DENND2C: variants seen among roughly 807,000 people sequenced by gnomAD.
DENND2C encodes DENN domain containing 2C.
DENND2C carries 72 observed loss-of-function variants against 112.4 expected under a neutral mutation model. The ratio of observed to expected loss-of-function variants is 0.64; its 90% CI spans 0.53 to 0.78. DENND2C has a LOEUF of 0.78. Ranked by LOEUF, DENND2C falls within the 30% of genes least tolerant of loss-of-function variation. The pLI is 0.00. For missense variants in DENND2C, 992 were observed against 1,113.8 expected (o/e 0.89, Z 1.56); for synonymous variants, 329 against 381.6 (o/e 0.86, Z 1.61).
At chr1:114,631,714 G>A (rs533588281) in intron 3 of DENND2C, among the ~76,000 whole-genome samples, 3 of 152,186 alleles carry the variant, frequency 2.0e-5, no homozygotes, top group Admixed American at 1.3e-4. Flanking sequence ...CATGGGAGGC[G>A]GAGCTTGCAG....
At chr1:114,600,678 C>T in intron 14 of DENND2C, 142 bp downstream of exon 14, 1 of 1,162,126 alleles carries the variant, frequency 8.6e-7, no homozygotes, top group Non-Finnish European at 1.2e-6. Context: ...CTGGATATTT[C>T]TCCAGTGCTT....
intron 18 of DENND2C, among the ~76,000 whole-genome samples, chr1:114,592,297 T>C (rs548806473): frequency 2.3e-4 from 35 of 152,322 alleles, no homozygotes; most frequent in Admixed American, 4.6e-4. Context: ...TATTGCTCTA[T>C]TTCTGCACCA....
chr1:114,625,285 C>T lies in DENND2C; in HGVS notation c.700G>A (p.Asp234Asn). 1.2e-6 allele frequency: 2 copies of T among 1,614,078 alleles called. No individual in the cohort carries two copies. Among genetic ancestry groups the T allele is most frequent in the African/African-American group, 2.7e-5 (2 of 75,030 alleles). Reference protein sequence around the residue: ...GVTPYKERNCDKKYCENNSCA... With the variant: ...GVTPYKERNCNKKYCENNSCA... ...GAGTTATTTTCACAGTATTTTTTGT[C>T]ACAGTTTCTTTCTTTATACGGCGTA... The change falls in exon 4 of 21, where the codon GAC becomes AAC. Residue 234 changes from aspartate to asparagine, a missense_variant. Transcript: ENST00000393274.
At chr1:114,667,924 A>G (rs1190864294) in intron 1 of DENND2C, among the ~76,000 whole-genome samples, 2 of 152,216 alleles carry the variant, frequency 1.3e-5, no homozygotes, top group Non-Finnish European at 2.9e-5. Context: ...AAGCTAATAC[A>G]TGTAAAGAAT....
At chr1:114,665,805 A>G (rs1366740303) in intron 1 of DENND2C, among the ~76,000 whole-genome samples, 5 of 152,184 alleles carry the variant, frequency 3.3e-5, no homozygotes, top group Non-Finnish European at 2.9e-5. Flanking sequence ...TTCTACTTAC[A>G]TAAAGCAAAT....
At chr1:114,627,119 A>C (rs1656365157) in intron 3 of DENND2C, among the ~76,000 whole-genome samples, 1 of 152,166 alleles carries the variant, frequency 6.6e-6, no homozygotes, top group Non-Finnish European at 1.5e-5. Context: ...TGGACTTCCC[A>C]CATCTATGCT....
intron 1 of DENND2C, among the ~76,000 whole-genome samples, chr1:114,657,777 C>A (rs1657375366): frequency 1.3e-5 from 2 of 152,178 alleles, no homozygotes; most frequent in African/African-American, 4.8e-5. Context: ...TGGAGCTGGA[C>A]AGGAACGTGA....
chr1:114,629,958 T>G (rs1179832034), intron 3 of DENND2C, among the ~76,000 whole-genome samples: 1 of 152,176 alleles, frequency 6.6e-6, no homozygotes, highest in African/African-American at 2.4e-5. Flanking sequence ...TGGAACATTC[T>G]AAAACCTGAT....
Position 114,656,404 on chromosome 1 carries a change from T to TC in DENND2C, c.-573-1644_-573-1643insG, listed in dbSNP as rs534040568. Among the ~76,000 whole-genome samples the TC allele has an allele frequency of 1.2e-3, 183 of 149,300 alleles. 1 individual carries two copies. Among genetic ancestry groups the TC allele is most frequent in the South Asian group, 3.6e-3 (17 of 4,714 alleles). On this transcript the variant is annotated intron_variant, in intron 1 of 20. Coordinates refer to ENST00000393274, the MANE Select transcript of DENND2C (RefSeq NM_001256404.2). ...TAAACATTCTTTTTCTTTCTTTCTTTTTTTTTTTTTTGAGACAGAGTCTTG... is the reference window on the plus strand; with the variant it reads ...TAAACATTCTTTTTCTTTCTTTCTTTCTTTTTTTTTTTGAGACAGAGTCTTG...
At chr1:114,632,766 T>C (rs577760583) in intron 3 of DENND2C, among the ~76,000 whole-genome samples, 81 of 152,308 alleles carry the variant, frequency 5.3e-4, no homozygotes, top group African/African-American at 1.8e-3. Flanking sequence ...AACATTGTTT[T>C]AAGTAAACAA....
chr1:114,640,241 C>G (rs1199605713), intron 3 of DENND2C, among the ~76,000 whole-genome samples: 3 of 152,190 alleles, frequency 2.0e-5, no homozygotes. Context: ...ATGTGCTTGT[C>G]CCAGGTGTAA....
chr1:114,627,582 C>CAAAAAAAAAAA (rs5777200), intron 3 of DENND2C, among the ~76,000 whole-genome samples: 1 of 144,112 alleles, frequency 6.9e-6, no homozygotes. Flanking sequence ...TAGTCTGACG[C>CAAAAAAAAAAA]AAAAAAAAAA....
chr1:114,623,356 A>G, intron 5 of DENND2C, 151 bp downstream of exon 5: 1 of 744,268 alleles, frequency 1.3e-6, no homozygotes, highest in Non-Finnish European at 2.1e-6. Flanking sequence ...TCATTAGAGA[A>G]TAAAATAATT....
chr1:114,633,523 T>TA (rs1483947763), intron 3 of DENND2C, among the ~76,000 whole-genome samples: 1 of 150,870 alleles, frequency 6.6e-6, no homozygotes, highest in Admixed American at 6.6e-5. Context: ...AATCACTTTA[T>TA]ATATGATATG....
intron 1 of DENND2C, among the ~76,000 whole-genome samples, chr1:114,661,701 A>T (rs961656135): frequency 6.6e-6 from 1 of 152,170 alleles, no homozygotes; most frequent in Non-Finnish European, 1.5e-5. Context: ...TTCTCAGGTG[A>T]CCATTTCCCT....
In DENND2C at chr1:114,622,012, T is replaced by G. The variant is rs2101663926; in HGVS notation, c.1110A>C (p.Ser370=). 6.4e-7 allele frequency: 1 copy of G among 1,550,632 alleles called. No individual in the cohort carries two copies. The highest frequency in any genetic ancestry group is 1.2e-5 in the South Asian group (1 of 83,966). The part of the protein sequence containing the change: ...LHRKTMEVKN[S]QAYLRSKLTK... ...TAAGCTTTGACCGCAAATAAGCCTGTGAGTTCTTTACTTCCATAGTCTTCC... is the reference window on the plus strand; with the variant it reads ...TAAGCTTTGACCGCAAATAAGCCTGGGAGTTCTTTACTTCCATAGTCTTCC... Residue 370 remains serine, a synonymous_variant, in exon 7 of 21, where the codon TCA becomes TCC. Coordinates refer to ENST00000393274, the MANE Select transcript of DENND2C (RefSeq NM_001256404.2).
intron 3 of DENND2C, among the ~76,000 whole-genome samples, chr1:114,632,425 T>C (rs566071876): frequency 3.6e-4 from 55 of 151,882 alleles, no homozygotes; most frequent in African/African-American, 1.3e-3. Context: ...AAAATATATA[T>C]ACAGGGGAAA....
At chr1:114,654,410 C>CGACAGCCTGGGA (rs1236513840) in intron 2 of DENND2C, 95 bp downstream of exon 2, 1 of 151,746 alleles carries the variant, frequency 6.6e-6, no homozygotes, top group East Asian at 1.9e-4. Context: ...CCAGCCTGGG[C>CGACAGCCTGGGA]GACAGCCTGG....
At chr1:114,585,664 A>T (rs1456437599) in intron 20 of DENND2C, 33 bp from the exon 21 acceptor site, 1 of 1,603,006 alleles carries the variant, frequency 6.2e-7, no homozygotes, top group Admixed American at 1.7e-5. Flanking sequence ...TGAATGCTCA[A>T]TTCATTTTTA....
Sources: gnomAD v4.1 joint callset for allele counts (sites outside exome capture counted in the v4.1 genomes callset) on GRCh38, gnomAD v4.1.1 for gene constraint, MANE v1.5 for transcripts, NCBI Gene and HGNC (gene_info 2026-07-23, HGNC 2026-07-21) for gene names.